XKR6: variants seen among roughly 807,000 people sequenced by gnomAD.
XKR6 encodes the protein XK-related protein 6.
XKR6 carries 22 observed loss-of-function variants against 56.7 expected under a neutral mutation model. That is an observed-to-expected ratio of 0.39 (90% CI 0.28 to 0.55). The LOEUF is 0.55. XKR6 is among the 20% of genes least tolerant of loss of function. XKR6 has a pLI of 0.66. For synonymous variants in XKR6, 524 were observed against 387.8 expected (o/e 1.35, Z -4.13); for missense variants, 852 against 889.0 (o/e 0.96, Z 0.53).
In XKR6 at chr8:11,138,596, A is replaced by C. The variant is rs191628673; in HGVS notation, c.764+61980T>G. 1.0e-3 allele frequency: 154 copies of C among 152,330 alleles called. 1 individual carries two copies. The highest frequency in any genetic ancestry group is 3.6e-3 in the African/African-American group (149 of 41,568). The allele number at this position is 152,330 out of a possible 1,614,324, so 9.4% of individuals were successfully genotyped here. On this transcript the variant is annotated intron_variant, in intron 1 of 2. Transcript: ENST00000416569. The stretch of plus-strand genomic sequence containing the variant: ...TAAGAAGCAAAACTGTCTCTTATTT[A>C]ATTTTAATCCTCCCTCCTGGGCCTT...
At chr8:11,085,238 C>A (rs764055500) in intron 1 of XKR6, among the ~76,000 whole-genome samples, 2 of 152,216 alleles carry the variant, frequency 1.3e-5, no homozygotes, top group Non-Finnish European at 2.9e-5. Flanking sequence ...TCTGCGGCCC[C>A]CATGCTAGGT....
chr8:11,151,700 T>TC lies in XKR6; in HGVS notation c.764+48875_764+48876insG, dbSNP rs1414791667. 2.6e-5 allele frequency among the ~76,000 whole-genome samples: 4 copies of TC among 152,054 alleles called. No individual in the cohort carries two copies. The East Asian group carries it at 5.8e-4, about 22-fold the overall frequency. On this transcript the variant is annotated intron_variant, in intron 1 of 2. Coordinates refer to ENST00000416569, the MANE Select transcript of XKR6 (RefSeq NM_173683.4). ...ATTTGTCAGTCTTTGAACAAGTTTT[T>TC]TTTTTTTTTAATTTTCTCAAGCTTG...
chr8:11,004,781 G>C (rs904052973), intron 1 of XKR6, among the ~76,000 whole-genome samples: 2 of 152,178 alleles, frequency 1.3e-5, no homozygotes, highest in Non-Finnish European at 2.9e-5. Context: ...AAAAGGTGGA[G>C]ACAACCCAAG....
intron 1 of XKR6, among the ~76,000 whole-genome samples, chr8:10,932,472 C>A (rs7461177): frequency 7.6e-5 from 11 of 144,046 alleles, no homozygotes; most frequent in Admixed American, 2.7e-4. Context: ...ATGTGCACAT[C>A]GTGCAGGTTA....
intron 1 of XKR6, among the ~76,000 whole-genome samples, chr8:11,065,893 G>A (rs1799964441): frequency 6.6e-6 from 1 of 152,214 alleles, no homozygotes; most frequent in African/African-American, 2.4e-5. Flanking sequence ...ATGGCAATGT[G>A]GCAGGGCTAA....
At chr8:11,106,614 T>G (rs1586552641) in intron 1 of XKR6, 1 of 152,262 alleles carries the variant, frequency 6.6e-6, no homozygotes. Flanking sequence ...TTTGGGAGGC[T>G]GAGGTGGGCA....
intron 1 of XKR6, among the ~76,000 whole-genome samples, chr8:11,159,146 A>T (rs1206450188): frequency 6.6e-6 from 1 of 152,224 alleles, no homozygotes; most frequent in Non-Finnish European, 1.5e-5. Flanking sequence ...CGTTTCAATG[A>T]GTTAATACAC....
rs1002114145 is a variant in XKR6, at chr8:11,200,040, G to A, written c.764+536C>T. 6.6e-6 allele frequency among the ~76,000 whole-genome samples: 1 copy of A among 152,188 alleles called. No homozygotes were observed. Among genetic ancestry groups the A allele is most frequent in the African/African-American group, 2.4e-5 (1 of 41,450 alleles). On this transcript the variant is annotated intron_variant, in intron 1 of 2. Transcript: ENST00000416569. The surrounding 1 kb of genome is among the most constrained non-coding windows in gnomAD (Gnocchi z 6.4). ...TTGGAGTCATTCACAGGGGCTGGGA[G>A]TGCAGGAGGGGGAAGGGGCGTGGAA...
chr8:11,043,589 A>G (rs73543307), intron 1 of XKR6, among the ~76,000 whole-genome samples: 15,631 of 152,268 alleles, frequency 0.1, 909 homozygotes, highest in African/African-American at 0.16. Context: ...CCCTGGGCAG[A>G]GTCAGTCCAG....
intron 1 of XKR6, among the ~76,000 whole-genome samples, chr8:11,164,167 C>G (rs576531784): frequency 4.6e-4 from 70 of 152,336 alleles, no homozygotes; most frequent in African/African-American, 1.6e-3. Flanking sequence ...AGTCAATCAT[C>G]CCACAGGCTT....
intron 1 of XKR6, among the ~76,000 whole-genome samples, chr8:11,130,450 C>G (rs547263742): frequency 6.6e-6 from 1 of 152,044 alleles, no homozygotes; most frequent in Non-Finnish European, 1.5e-5. Context: ...GGGGCGAGAA[C>G]CGGGACGTGT....
intron 1 of XKR6, among the ~76,000 whole-genome samples, chr8:11,097,211 G>C (rs1798290778): frequency 6.6e-6 from 1 of 152,162 alleles, no homozygotes; most frequent in African/African-American, 2.4e-5. Context: ...GCCCTCAAGA[G>C]ACACAAAGTG....
chr8:11,164,145 C>G (rs1037823270), intron 1 of XKR6, among the ~76,000 whole-genome samples: 3 of 152,196 alleles, frequency 2.0e-5, no homozygotes, highest in African/African-American at 7.2e-5. Flanking sequence ...TATTCACTGC[C>G]AGAAAGTCAG....
rs553700029 is a variant in XKR6, at chr8:11,200,832, G to A, written c.508C>T (p.Leu170=). 4.3e-5 allele frequency: 70 copies of A among 1,611,842 alleles called. 1 individual carries two copies. In the South Asian group the frequency reaches 6.8e-4, roughly 16 times the overall value. ...VYFGLTLFFV[L]VPSLLVQSLS... Reference sequence around the variant, plus strand: ...CTCTGCACCAGCAGCGACGGCACCAGCACGAAGAAGAGGGTCAGCCCGAAG... The same window carrying A: ...CTCTGCACCAGCAGCGACGGCACCAACACGAAGAAGAGGGTCAGCCCGAAG... Residue 170 remains leucine, a synonymous_variant, in exon 1 of 3, where the codon CTG becomes TTG. Transcript: ENST00000416569. The surrounding 1 kb of genome is among the most constrained non-coding windows in gnomAD (Gnocchi z 6.4).
chr8:11,059,871 C>T (rs1044179431), intron 1 of XKR6, among the ~76,000 whole-genome samples: 6 of 152,096 alleles, frequency 3.9e-5, no homozygotes, highest in African/African-American at 1.4e-4. Flanking sequence ...CGCAGGGTGG[C>T]ACCTAAAAAA....
intron 1 of XKR6, among the ~76,000 whole-genome samples, chr8:10,957,693 C>T (rs747122390): frequency 1.3e-5 from 2 of 152,180 alleles, no homozygotes; most frequent in African/African-American, 2.4e-5. Flanking sequence ...CCCATCCCTC[C>T]TGGCCATCCA....
intron 1 of XKR6, among the ~76,000 whole-genome samples, chr8:11,061,595 G>GTTCATTCA (rs374185850): frequency 2.0e-5 from 3 of 152,006 alleles, no homozygotes; most frequent in African/African-American, 7.2e-5. Flanking sequence ...ATGCACATCC[G>GTTCATTCA]TTCATTCATT....
Position 11,116,957 on chromosome 8 carries a change from T to C in XKR6, c.764+83619A>G, listed in dbSNP as rs571203787. ...GGTATATTTCAGCTTACTAACTATA[T>C]ACTTAGTCTTAACTTTTACTACTCA... On this transcript the variant is annotated intron_variant, in intron 1 of 2. Coordinates refer to ENST00000416569, the MANE Select transcript of XKR6 (RefSeq NM_173683.4). 8.5e-5 allele frequency among the ~76,000 whole-genome samples: 13 copies of C among 152,290 alleles called. No individual in the cohort carries two copies. The East Asian group carries it at 2.1e-3, about 25-fold the overall frequency.
At chr8:11,142,155 G>A (rs759161865) in intron 1 of XKR6, among the ~76,000 whole-genome samples, 2 of 152,164 alleles carry the variant, frequency 1.3e-5, no homozygotes, top group African/African-American at 4.8e-5. Context: ...TACTGGGAAG[G>A]CACAGAAGCA....
Sources: allele counts gnomAD v4.1 joint callset (sites outside exome capture counted in the v4.1 genomes callset), GRCh38; gene constraint gnomAD v4.1.1; non-coding constraint Gnocchi (gnomAD v3.1); transcripts MANE v1.5; gene names NCBI Gene and HGNC (gene_info 2026-07-23, HGNC 2026-07-21).